Variants in NUDT5 observed in about 807,000 individuals in gnomAD.
NUDT5 encodes the protein nudix hydrolase 5, also known as ADP-sugar pyrophosphatase.
NUDT5 carries 21 observed loss-of-function variants against 34.1 expected under a neutral mutation model. That is an observed-to-expected ratio of 0.62 (90% CI 0.44 to 0.89). The LOEUF is 0.89. Among genes scored for constraint, NUDT5 ranks in the 40% least tolerant of loss-of-function variants. The pLI is 0.00. For missense variants in NUDT5, 249 were observed against 274.8 expected (o/e 0.91, Z 0.66); for synonymous variants, 85 against 97.6 (o/e 0.87, Z 0.76).
chr10:12,190,322 A>G (rs944128167), intron 1 of NUDT5, among the ~76,000 whole-genome samples: 8 of 152,172 alleles, frequency 5.3e-5, no homozygotes, highest in Admixed American at 4.6e-4. Flanking sequence ...AATTCTCCAG[A>G]GCATAAAAAA....
At chr10:12,186,905 G>T (rs138625612) in intron 1 of NUDT5, among the ~76,000 whole-genome samples, 1 of 152,096 alleles carries the variant, frequency 6.6e-6, no homozygotes, top group Non-Finnish European at 1.5e-5. Flanking sequence ...GGGATTACAG[G>T]CGTGAGCTAC....
chr10:12,192,509 A>C (rs774491023), intron 1 of NUDT5, among the ~76,000 whole-genome samples: 2 of 152,190 alleles, frequency 1.3e-5, no homozygotes, highest in African/African-American at 2.4e-5. Context: ...ATTTGCAGTT[A>C]TATTTAATAA....
At position 12,182,241 on chromosome 10, in the gene NUDT5, G is replaced by A. The variant is rs1012730719; in HGVS notation, c.131+2648C>T. ...TATGCCTGTGTTCTGACTGCAGCCTGTCACACAGAGTCAGGTGTGGAATTC... is the reference window on the plus strand; with the variant it reads ...TATGCCTGTGTTCTGACTGCAGCCTATCACACAGAGTCAGGTGTGGAATTC... On this transcript the variant is annotated intron_variant, in intron 3 of 9. Transcript: ENST00000491614. The surrounding 1 kb of genome is among the most constrained non-coding windows in gnomAD (Gnocchi z 4.3). 2.0e-5 allele frequency among the ~76,000 whole-genome samples: 3 copies of A among 152,128 alleles called. No homozygotes were observed. The highest frequency in any genetic ancestry group is 4.4e-5 in the Non-Finnish European group (3 of 68,018).
rs536411769 is a variant in NUDT5 at position 12,166,836 on chromosome 10, G to T, written c.*866C>A. The stretch of plus-strand genomic sequence containing the variant: ...AGAACTGCTAGATGACAGGGTTTCA[G>T]GCATGGGAACCAGATCAATCTGTAC... On this transcript the variant is annotated 3_prime_UTR_variant, in exon 10 of 10. Coordinates refer to ENST00000491614, the MANE Select transcript of NUDT5 (RefSeq NM_014142.4). 2.2e-6 allele frequency: 1 copy of T among 453,722 alleles called. No homozygotes were observed. Among genetic ancestry groups the T allele is most frequent in the African/African-American group, 2.0e-5 (1 of 49,252 alleles). 28.1% of individuals were successfully genotyped at this position (453,722 alleles called of 1,614,324 possible). A position where few individuals can be genotyped will look rare whatever the true frequency, so the allele number is the denominator to read the frequency against.
In NUDT5 at chr10:12,175,583, AGT is replaced by A. The variant is rs1439795162; in HGVS notation, c.290-1772_290-1771del. Among the ~76,000 whole-genome samples, 1 of 152,136 alleles carries A rather than the reference AGT, an allele frequency of 6.6e-6. No individual in the cohort carries two copies. Among genetic ancestry groups the A allele is most frequent in the Non-Finnish European group, 1.5e-5 (1 of 68,020 alleles). ...CTTGAGCCCAGAAGGTCAAGGCTGC[AGT>A]GAGCTGTGATTGTGCCACTGCACTC... On this transcript the variant is annotated intron_variant, in intron 5 of 9. Transcript: ENST00000491614. This position sits in a 1 kb window ranked among gnomAD's most constrained non-coding sequence, Gnocchi z 4.8.
intron 3 of NUDT5, 104 bp from the exon 4 acceptor site, chr10:12,179,236 GTACT>G (rs1835006943): frequency 2.4e-6 from 2 of 838,148 alleles, no homozygotes; most frequent in East Asian, 2.5e-5. Context: ...GCATGCAAAT[GTACT>G]CATGATACTG....
Position 12,187,289 on chromosome 10 carries a change from G to C in NUDT5, c.-41-957C>G, listed in dbSNP as rs908199229. Reference sequence around the variant, plus strand: ...GCTCAAGCGATCCTCCTCCCGCCTCGGTGTCCCAAAGTGCTGGGATTACAG... The same window carrying C: ...GCTCAAGCGATCCTCCTCCCGCCTCCGTGTCCCAAAGTGCTGGGATTACAG... On this transcript the variant is annotated intron_variant, in intron 1 of 9. Transcript: ENST00000491614. The surrounding 1 kb of genome is among the most constrained non-coding windows in gnomAD (Gnocchi z 5.4). Among the ~76,000 whole-genome samples the C allele has an allele frequency of 1.3e-5, 2 of 151,892 alleles. No individual in the cohort carries two copies. The highest frequency in any genetic ancestry group is 4.8e-5 in the African/African-American group (2 of 41,370).
chr10:12,186,273 T>G lies in NUDT5; in HGVS notation c.19A>C (p.Thr7Pro). 1 of 1,613,860 alleles carries G rather than the reference T, an allele frequency of 6.2e-7. No homozygotes were observed. Among genetic ancestry groups the G allele is most frequent in the Non-Finnish European group, 8.5e-7 (1 of 1,179,698 alleles). Residue 7 changes from threonine (T) to proline (P), a missense_variant, in exon 2 of 10, where the codon ACG becomes CCG. Physicochemically the swap from Thr to Pro is conservative, Grantham distance 38. Coordinates refer to ENST00000491614, the MANE Select transcript of NUDT5 (RefSeq NM_014142.4). ...TGTTTGCCATTCTGAGAAGATTCCG[T>G]TGGTTCTTGGCTCTCCATTTTCAAA... MESQEP[T>P]ESSQNGKQYI...
At chr10:12,193,872 T>C (rs1835280514) in intron 1 of NUDT5, among the ~76,000 whole-genome samples, 2 of 151,698 alleles carry the variant, frequency 1.3e-5, no homozygotes, top group African/African-American at 2.4e-5. Flanking sequence ...CTACACTCTT[T>C]TTTTTTTTTT....
At chr10:12,184,306 C>G (rs1474621173) in intron 3 of NUDT5, among the ~76,000 whole-genome samples, 1 of 152,166 alleles carries the variant, frequency 6.6e-6, no homozygotes, top group Non-Finnish European at 1.5e-5. Context: ...CCCCGGCCCC[C>G]ACCCTTGGCC....
At position 12,175,286 on chromosome 10, in the gene NUDT5, C is replaced by G. The variant is rs1266755514; in HGVS notation, c.290-1473G>C. On this transcript the variant is annotated intron_variant, in intron 5 of 9. Coordinates refer to ENST00000491614, the MANE Select transcript of NUDT5 (RefSeq NM_014142.4). This position sits in a 1 kb window ranked among gnomAD's most constrained non-coding sequence, Gnocchi z 4.8. Reference sequence around the variant, plus strand: ...AGTGAGCTGAAATCGTGCCACTGCACTCTAGCTTGGGCAACAAAAGTGAAA... The same window carrying G: ...AGTGAGCTGAAATCGTGCCACTGCAGTCTAGCTTGGGCAACAAAAGTGAAA... Among the ~76,000 whole-genome samples the G allele has an allele frequency of 6.6e-6, 1 of 152,054 alleles. No individual in the cohort carries two copies. Among genetic ancestry groups the G allele is most frequent in the Non-Finnish European group, 1.5e-5 (1 of 68,030 alleles).
chr10:12,172,664 T>C (rs1834877656), intron 7 of NUDT5, 101 bp downstream of exon 7: 1 of 750,708 alleles, frequency 1.3e-6, no homozygotes, highest in African/African-American at 1.7e-5. Context: ...GACCGATTCT[T>C]TCCATGAAAG....
At chr10:12,189,384 G>A (rs961127364) in intron 1 of NUDT5, among the ~76,000 whole-genome samples, 3 of 152,150 alleles carry the variant, frequency 2.0e-5, no homozygotes. Flanking sequence ...GGGATTACAG[G>A]CGTGAACCAC....
intron 1 of NUDT5, among the ~76,000 whole-genome samples, chr10:12,190,606 CTTTT>C (rs1013405393): frequency 7.8e-6 from 1 of 127,948 alleles, no homozygotes; most frequent in Non-Finnish European, 1.7e-5. Context: ...ATGATAAAGC[CTTTT>C]TTTTTTTTTT....
chr10:12,180,836 T>C (rs7070065), intron 3 of NUDT5, among the ~76,000 whole-genome samples: 150,396 of 152,354 alleles, frequency 0.99, 74,271 homozygotes, highest in East Asian at 1. Context: ...TTCCTAGTCT[T>C]CTTTGTTATG....
chr10:12,167,658 C>A lies in NUDT5; in HGVS notation c.*44G>T, dbSNP rs1834736672. ...GAATACAAAGTCTTAGTGAAGAAGGCCTGGTGGTCTCGTTTACAAAAATGG... is the reference window on the plus strand; with the variant it reads ...GAATACAAAGTCTTAGTGAAGAAGGACTGGTGGTCTCGTTTACAAAAATGG... On this transcript the variant is annotated 3_prime_UTR_variant, in exon 10 of 10. Coordinates refer to ENST00000491614, the MANE Select transcript of NUDT5 (RefSeq NM_014142.4). 6.4e-7 allele frequency: 1 copy of A among 1,567,650 alleles called. No individual in the cohort carries two copies. The highest frequency in any genetic ancestry group is 8.8e-7 in the Non-Finnish European group (1 of 1,139,924).
chr10:12,191,121 T>C (rs1312079835), intron 1 of NUDT5, among the ~76,000 whole-genome samples: 1 of 152,056 alleles, frequency 6.6e-6, no homozygotes, highest in Non-Finnish European at 1.5e-5. Context: ...CAGTGGCTCA[T>C]GCCTATAATC....
intron 3 of NUDT5, among the ~76,000 whole-genome samples, chr10:12,183,017 G>T (rs549617934): frequency 2.0e-5 from 3 of 152,206 alleles, no homozygotes; most frequent in Non-Finnish European, 2.9e-5. Context: ...GATTACAGGC[G>T]TGAGCCACTG....
At chr10:12,192,293 ACT>A (rs967028775) in intron 1 of NUDT5, among the ~76,000 whole-genome samples, 7 of 146,738 alleles carry the variant, frequency 4.8e-5, no homozygotes, top group African/African-American at 1.2e-4. Flanking sequence ...ACAGAGTGAG[ACT>A]CTGTCTCCAA....
Sources: allele counts gnomAD v4.1 joint callset (sites outside exome capture counted in the v4.1 genomes callset), GRCh38; gene constraint gnomAD v4.1.1; non-coding constraint Gnocchi (gnomAD v3.1); transcripts MANE v1.5; gene names NCBI Gene and HGNC (gene_info 2026-07-23, HGNC 2026-07-21).